Variants in NOS1 observed in about 807,000 individuals in gnomAD.
NOS1 encodes the protein nitric oxide synthase 1.
A neutral mutation model predicts 164.5 loss-of-function variants in NOS1; 51 were observed. The observed-to-expected ratio is 0.31, with a 90% CI of 0.25 to 0.39. The LOEUF (loss-of-function observed/expected upper bound fraction) is 0.39, where lower values mean the gene tolerates loss of function less well. NOS1 is among the 10% of genes least tolerant of loss of function. The probability of loss-of-function intolerance (pLI) is 1.00; values close to 1 mark genes in which losing one functional copy is unlikely to be tolerated. For synonymous variants in NOS1, 719 were observed against 745.8 expected (o/e 0.96, Z 0.59); for missense variants, 1,362 against 1,885.6 (o/e 0.72, Z 5.14).
intron 1 of NOS1, among the ~76,000 whole-genome samples, chr12:117,357,315 T>C (rs1207246505): frequency 6.6e-6 from 1 of 152,094 alleles, no homozygotes; most frequent in Non-Finnish European, 1.5e-5. Context: ...CAAGATTAGA[T>C]GGGAACTCAG....
chr12:117,249,223 G>C (rs1870896294), intron 17 of NOS1, among the ~76,000 whole-genome samples: 1 of 152,178 alleles, frequency 6.6e-6, no homozygotes, highest in Non-Finnish European at 1.5e-5. Context: ...TTTAGCTGTT[G>C]GTGGTCAGGC....
At chr12:117,326,559 C>G (rs1460295554) in intron 2 of NOS1, among the ~76,000 whole-genome samples, 1 of 152,218 alleles carries the variant, frequency 6.6e-6, no homozygotes, top group Admixed American at 6.5e-5. Flanking sequence ...GCCACCTTCT[C>G]TAGACCTTGT....
chr12:117,234,644 C>T lies in NOS1; in HGVS notation c.3156G>A (p.Leu1052=). 3 of 1,614,190 alleles carry T rather than the reference C, an allele frequency of 1.9e-6. No homozygotes were observed. The highest frequency in any genetic ancestry group is 2.5e-6 in the Non-Finnish European group (3 of 1,180,020). The change falls in exon 21 of 29, where the codon CTG becomes CTA. Residue 1052 remains leucine (L), a synonymous_variant. Transcript: ENST00000317775. The surrounding 1 kb of genome is among the most constrained non-coding windows in gnomAD (Gnocchi z 4.3). ...GCGGCGCGTCCTCCAGCCGCTCGAT[C>T]AGGGCATTCACGAGGTCCTCGTGGT... is the stretch of plus-strand genomic sequence containing the variant. ...PGNHEDLVNA[L]IERLEDAPPV...
intron 14 of NOS1, among the ~76,000 whole-genome samples, chr12:117,259,866 TC>T (rs1352059012): frequency 6.6e-6 from 1 of 151,704 alleles, no homozygotes; most frequent in Non-Finnish European, 1.5e-5. Flanking sequence ...ACGCCTGTAA[TC>T]CCAGCACTTT....
chr12:117,271,071 G>T (rs542255548), intron 10 of NOS1, among the ~76,000 whole-genome samples: 2 of 151,610 alleles, frequency 1.3e-5, no homozygotes, highest in Non-Finnish European at 2.9e-5. Flanking sequence ...AAGAAAGAAA[G>T]AAAAAAGTTT....
chr12:117,284,382 C>T (rs912281438), intron 7 of NOS1, among the ~76,000 whole-genome samples: 7 of 152,308 alleles, frequency 4.6e-5, no homozygotes, highest in Admixed American at 2.0e-4. Flanking sequence ...CCACCAGCCA[C>T]ATGGATGTCT....
At chr12:117,355,421 G>A (rs1876811396) in intron 1 of NOS1, among the ~76,000 whole-genome samples, 1 of 152,150 alleles carries the variant, frequency 6.6e-6, no homozygotes, top group Non-Finnish European at 1.5e-5. Flanking sequence ...AGCTGAAAAG[G>A]TCTTTGTGGG....
intron 3 of NOS1, among the ~76,000 whole-genome samples, chr12:117,303,985 A>G (rs531425139): frequency 1.3e-5 from 2 of 152,308 alleles, no homozygotes; most frequent in East Asian, 3.9e-4. Context: ...ATCCTGGCTA[A>G]CTCAGTGAAA....
chr12:117,233,963 G>T (rs1869486276), intron 21 of NOS1, among the ~76,000 whole-genome samples: 1 of 152,078 alleles, frequency 6.6e-6, no homozygotes, highest in African/African-American at 2.4e-5. Context: ...GTATTGGTCT[G>T]CCAGGTAAGC....
intron 1 of NOS1, among the ~76,000 whole-genome samples, chr12:117,334,545 G>A (rs373757699): frequency 0.011 from 1,604 of 151,982 alleles, 25 homozygotes; most frequent in African/African-American, 0.035. Flanking sequence ...TACGGCTCCC[G>A]CCACCACACC....
chr12:117,255,835 G>A (rs1242871186), intron 16 of NOS1: 7 of 626,496 alleles, frequency 1.1e-5, no homozygotes, highest in Middle Eastern at 2.8e-4. Context: ...GTTAGAACTC[G>A]GATCTCCTTG....
chr12:117,271,988 C>T (rs780792127), intron 10 of NOS1, among the ~76,000 whole-genome samples: 25 of 152,256 alleles, frequency 1.6e-4, no homozygotes, highest in South Asian at 2.1e-4. Flanking sequence ...CGAGAGGCAG[C>T]GGAGTGGAGT....
At chr12:117,269,145 G>C (rs1156316018) in intron 10 of NOS1, among the ~76,000 whole-genome samples, 2 of 152,112 alleles carry the variant, frequency 1.3e-5, no homozygotes, top group Non-Finnish European at 2.9e-5. Context: ...AATTCAGCTA[G>C]GGTAGTCAGG....
chr12:117,304,291 C>A (rs1466604899), intron 3 of NOS1, among the ~76,000 whole-genome samples: 1 of 152,170 alleles, frequency 6.6e-6, no homozygotes, highest in Non-Finnish European at 1.5e-5. Flanking sequence ...CAGCCACAAC[C>A]ATTCCCTTGC....
chr12:117,212,317 C>T lies in NOS1; in HGVS notation c.*2992G>A. 1.0e-6 allele frequency: 1 copy of T among 985,404 alleles called. No homozygotes were observed. Among genetic ancestry groups the T allele is most frequent in the Non-Finnish European group, 1.2e-6 (1 of 829,936 alleles). 61.0% of individuals were successfully genotyped at this position (985,404 alleles called of 1,614,324 possible). On this transcript the variant is annotated 3_prime_UTR_variant, in exon 29 of 29. Transcript: ENST00000317775. ...CAAGTGAGCCGCCCACAGCCATCTGCACCAACAGGGGCAGAATTAGGATTT... is the reference window on the plus strand; with the variant it reads ...CAAGTGAGCCGCCCACAGCCATCTGTACCAACAGGGGCAGAATTAGGATTT...
intron 27 of NOS1, among the ~76,000 whole-genome samples, chr12:117,218,444 C>A (rs1341040412): frequency 2.0e-5 from 3 of 152,046 alleles, no homozygotes; most frequent in Non-Finnish European, 4.4e-5. Context: ...TTGGTGGATT[C>A]TCAGGTGAAA....
intron 17 of NOS1, among the ~76,000 whole-genome samples, chr12:117,253,174 G>A (rs1014334321): frequency 6.6e-6 from 1 of 152,096 alleles, no homozygotes; most frequent in African/African-American, 2.4e-5. Context: ...CAATTCCATC[G>A]GAATCTCTGG....
At chr12:117,325,421 G>A (rs1056700874) in intron 2 of NOS1, among the ~76,000 whole-genome samples, 1 of 152,116 alleles carries the variant, frequency 6.6e-6, no homozygotes, top group Non-Finnish European at 1.5e-5. Context: ...AGGTAGTTTT[G>A]GTTGTTACAA....
intron 3 of NOS1, among the ~76,000 whole-genome samples, chr12:117,303,910 C>T (rs188232135): frequency 1.3e-5 from 2 of 152,282 alleles, no homozygotes; most frequent in South Asian, 2.1e-4. Flanking sequence ...CATGTGTTCA[C>T]GCCTGTAATT....
Sources: gnomAD v4.1 joint callset for allele counts (sites outside exome capture counted in the v4.1 genomes callset) on GRCh38, gnomAD v4.1.1 for gene constraint, Gnocchi (gnomAD v3.1) non-coding constraint, MANE v1.5 for transcripts, NCBI Gene and HGNC (gene_info 2026-07-23, HGNC 2026-07-21) for gene names.